The following TENM3 variants were observed in gnomAD, a reference collection of about 807,000 sequenced individuals.
TENM3 encodes the protein teneurin transmembrane protein 3.
A neutral mutation model predicts 255.1 loss-of-function variants in TENM3; 63 were observed. That is an observed-to-expected ratio of 0.25 (90% CI 0.20 to 0.30). The LOEUF is 0.30. TENM3 is among the 10% of genes least tolerant of loss of function. The probability of loss-of-function intolerance (pLI) is 1.00; values close to 1 mark genes in which losing one functional copy is unlikely to be tolerated. For synonymous variants in TENM3, 1,306 were observed against 1,322.3 expected, an observed-to-expected ratio of 0.99 and a Z score of 0.27; for missense variants, 2,929 against 3,461.1, an observed-to-expected ratio of 0.85 and a Z score of 3.86.
chr4:181,592,276 C>CACACACACACACACACACACACAG, the TENM3 span, among the ~76,000 whole-genome samples: 3 of 151,340 alleles, frequency 2.0e-5, no homozygotes, highest in Non-Finnish European at 4.4e-5. Flanking sequence ...CACACACACA[C>CACACACACACACACACACACACAG]AGAGCTGAGA....
the TENM3 span, among the ~76,000 whole-genome samples, chr4:181,824,110 T>C: frequency 5.9e-5 from 9 of 152,080 alleles, no homozygotes; most frequent in Non-Finnish European, 1.2e-4. Flanking sequence ...ATATAATCTA[T>C]ATATTTTTTG....
At chr4:182,696,026 CTT>C (rs965361293) in intron 12 of TENM3, among the ~76,000 whole-genome samples, 38 of 152,120 alleles carry the variant, frequency 2.5e-4, no homozygotes, top group Admixed American at 4.6e-4. Flanking sequence ...CAGAAAAAGT[CTT>C]GTTTATGTGA....
intron 4 of TENM3, among the ~76,000 whole-genome samples, chr4:182,627,901 G>C (rs1228086953): frequency 6.6e-6 from 1 of 152,008 alleles, no homozygotes; most frequent in Non-Finnish European, 1.5e-5. Context: ...TGGCTCGGTG[G>C]TTAGGGAATG....
the TENM3 span, among the ~76,000 whole-genome samples, chr4:181,486,326 T>C: frequency 6.6e-6 from 1 of 152,192 alleles, no homozygotes; most frequent in Non-Finnish European, 1.5e-5. Flanking sequence ...ATCCGGAGAC[T>C]TGCCACATTC....
the TENM3 span, among the ~76,000 whole-genome samples, chr4:181,671,363 G>A: frequency 1.1e-4 from 17 of 152,172 alleles, no homozygotes; most frequent in South Asian, 1.7e-3. Flanking sequence ...ATTTACTGTC[G>A]CAGAGTACTG....
chr4:181,849,949 T>TCTCTCACACACACACACA, the TENM3 span, among the ~76,000 whole-genome samples: 297 of 65,944 alleles, frequency 4.5e-3, 13 homozygotes, highest in East Asian at 0.09. Context: ...TCTCTCTCTC[T>TCTCTCACACACACACACA]CACACACACA....
chr4:182,744,360 T>A (rs957845115), intron 19 of TENM3, among the ~76,000 whole-genome samples: 3 of 152,098 alleles, frequency 2.0e-5, no homozygotes, highest in Non-Finnish European at 2.9e-5. Context: ...GTGATATAAT[T>A]TGAGAAATCT....
At chr4:182,537,170 T>C (rs1416476230) in intron 3 of TENM3, among the ~76,000 whole-genome samples, 2 of 152,234 alleles carry the variant, frequency 1.3e-5, no homozygotes, top group Admixed American at 1.3e-4. Context: ...ATTTCTTATC[T>C]TTCTCCTGTT....
At chr4:181,998,720 A>T in the TENM3 span, among the ~76,000 whole-genome samples, 1 of 152,128 alleles carries the variant, frequency 6.6e-6, no homozygotes, top group African/African-American at 2.4e-5. Context: ...TCATTAACCC[A>T]TTCCTGTTAG....
chr4:181,973,610 A>T, the TENM3 span, among the ~76,000 whole-genome samples: 1 of 152,072 alleles, frequency 6.6e-6, no homozygotes, highest in East Asian at 1.9e-4. Context: ...AAATAAGACT[A>T]TTTAGCTGGG....
At chr4:182,082,047 A>G in the TENM3 span, among the ~76,000 whole-genome samples, 1 of 152,220 alleles carries the variant, frequency 6.6e-6, no homozygotes, top group Non-Finnish European at 1.5e-5. Flanking sequence ...TTAAACATAT[A>G]CAAAAGTAGA....
chr4:182,582,369 A>AT (rs1745569330), intron 3 of TENM3, among the ~76,000 whole-genome samples: 1 of 152,180 alleles, frequency 6.6e-6, no homozygotes, highest in East Asian at 1.9e-4. Flanking sequence ...TTCTCTGTAC[A>AT]TTTTTTCCCA....
chr4:181,728,516 G>C, the TENM3 span, among the ~76,000 whole-genome samples: 2 of 152,176 alleles, frequency 1.3e-5, no homozygotes, highest in African/African-American at 4.8e-5. Context: ...AGACCATATA[G>C]GATAACTTCC....
the TENM3 span, among the ~76,000 whole-genome samples, chr4:181,741,488 A>AT: frequency 2.6e-5 from 4 of 152,224 alleles, no homozygotes; most frequent in African/African-American, 9.6e-5. Context: ...AAGGAGCCAT[A>AT]TGTTCATAAT....
the TENM3 span, among the ~76,000 whole-genome samples, chr4:181,626,348 A>G: frequency 6.6e-6 from 1 of 152,164 alleles, no homozygotes; most frequent in African/African-American, 2.4e-5. Context: ...GTGTTGGTCC[A>G]TTTTTGCGTT....
the TENM3 span, among the ~76,000 whole-genome samples, chr4:181,547,690 A>G: frequency 6.6e-6 from 1 of 152,170 alleles, no homozygotes; most frequent in Admixed American, 6.5e-5. Context: ...CACTAAGAAA[A>G]TGAAACAATG....
intron 3 of TENM3, among the ~76,000 whole-genome samples, chr4:182,422,643 A>G (rs1282754918): frequency 6.6e-6 from 1 of 152,210 alleles, no homozygotes; most frequent in Non-Finnish European, 1.5e-5. Context: ...TGAAATTAGA[A>G]TCGACTTGTC....
chr4:182,156,319 A>G (rs368380601), intron 1 of TENM3, among the ~76,000 whole-genome samples: 1 of 152,196 alleles, frequency 6.6e-6, no homozygotes, highest in African/African-American at 2.4e-5. Context: ...TGATTGCTAC[A>G]CTTCTGTGAA....
At chr4:182,716,118 C>T (rs758636826) in intron 13 of TENM3, among the ~76,000 whole-genome samples, 2 of 152,122 alleles carry the variant, frequency 1.3e-5, no homozygotes, top group Non-Finnish European at 2.9e-5. Context: ...TTACTTTCCC[C>T]CAAAGAACCC....
Sources: gnomAD v4.1 joint callset for allele counts (sites outside exome capture counted in the v4.1 genomes callset) on GRCh38, gnomAD v4.1.1 for gene constraint, MANE v1.5 for transcripts, NCBI Gene and HGNC (gene_info 2026-07-23, HGNC 2026-07-21) for gene names.